CNTN3: variants seen among roughly 807,000 people sequenced by gnomAD.
The protein encoded by CNTN3 is contactin-3.
A neutral mutation model predicts 119.1 loss-of-function variants in CNTN3; 60 were observed. That is an observed-to-expected ratio of 0.50 (90% CI 0.41 to 0.62). The LOEUF (loss-of-function observed/expected upper bound fraction) is 0.62. Ranked by LOEUF, CNTN3 falls within the 20% of genes least tolerant of loss-of-function variation. The pLI is 0.00. For missense variants in CNTN3, 1,101 were observed against 1,242.4 expected, an observed-to-expected ratio of 0.89 and a Z score of 1.71; for synonymous variants, 450 against 438.7, an observed-to-expected ratio of 1.03 and a Z score of -0.32.
chr3:74,437,772 G>A (rs1220408530), intron 4 of CNTN3, among the ~76,000 whole-genome samples: 2 of 151,678 alleles, frequency 1.3e-5, no homozygotes, highest in Non-Finnish European at 1.5e-5. Context: ...CCATTTTTGT[G>A]GCAAGAGCAT....
At chr3:74,362,106 G>A (rs1704086333) in intron 10 of CNTN3, 66 bp from the exon 11 acceptor site, 1 of 1,567,760 alleles carries the variant, frequency 6.4e-7, no homozygotes, top group South Asian at 1.2e-5. Context: ...AATTTCAAAG[G>A]TCCACTTTTA....
At chr3:74,481,347 A>G (rs1702760381) in intron 4 of CNTN3, among the ~76,000 whole-genome samples, 1 of 151,918 alleles carries the variant, frequency 6.6e-6, no homozygotes, top group Non-Finnish European at 1.5e-5. Context: ...AACTAATCAT[A>G]TGTTGGGCCA....
intron 3 of CNTN3, among the ~76,000 whole-genome samples, chr3:74,489,115 A>G (rs1702914290): frequency 6.6e-6 from 1 of 152,166 alleles, no homozygotes; most frequent in Non-Finnish European, 1.5e-5. Flanking sequence ...CTCCTTGTGA[A>G]TACTCTGAAA....
chr3:74,492,782 T>C (rs1372884553), intron 3 of CNTN3, among the ~76,000 whole-genome samples: 1 of 152,154 alleles, frequency 6.6e-6, no homozygotes, highest in Non-Finnish European at 1.5e-5. Context: ...TGTGTATGTG[T>C]GTGCCTGTAA....
intron 13 of CNTN3, among the ~76,000 whole-genome samples, chr3:74,319,464 T>C (rs1215887733): frequency 6.6e-6 from 1 of 152,156 alleles, no homozygotes; most frequent in East Asian, 1.9e-4. Flanking sequence ...GCTAGCAATA[T>C]GTAGAAAGCT....
intron 5 of CNTN3, among the ~76,000 whole-genome samples, chr3:74,397,508 TTCTCTCTC>T (rs71129743): frequency 0.38 from 57,564 of 150,180 alleles, 11,434 homozygotes; most frequent in East Asian, 0.64. Context: ...CCAACTGGTG[TTCTCTCTC>T]TCTCTCTCTC....
intron 5 of CNTN3, among the ~76,000 whole-genome samples, chr3:74,374,218 C>T (rs572003896): frequency 1.3e-5 from 2 of 152,116 alleles, no homozygotes; most frequent in South Asian, 4.2e-4. Context: ...CTTTGTTCAC[C>T]AACATGGGAC....
chr3:74,515,693 G>T (rs1703438839), intron 2 of CNTN3, among the ~76,000 whole-genome samples: 1 of 151,996 alleles, frequency 6.6e-6, no homozygotes, highest in South Asian at 2.1e-4. Context: ...GATTCACTAA[G>T]CCAGTTGGCA....
In CNTN3 at chr3:74,530,398, G is replaced by A. The variant is rs186747569; in HGVS notation, c.-80-9206C>T. Among the ~76,000 whole-genome samples the A allele has an allele frequency of 3.8e-3, 576 of 152,048 alleles. 5 individuals are homozygous for A. Among genetic ancestry groups the A allele is most frequent in the African/African-American group, 0.013 (557 of 41,534 alleles). The stretch of plus-strand genomic sequence containing the variant: ...CAGAGTTGTCCAGAGACTGAGTAGA[G>A]GATTTGAGAAAGGGGTGACTTTGGA... On this transcript the variant is annotated intron_variant, in intron 1 of 22. Coordinates refer to ENST00000263665, the MANE Select transcript of CNTN3 (RefSeq NM_020872.3).
intron 2 of CNTN3, among the ~76,000 whole-genome samples, chr3:74,519,624 T>C (rs1703508979): frequency 6.6e-6 from 1 of 151,706 alleles, no homozygotes; most frequent in South Asian, 2.1e-4. Flanking sequence ...CTGCAGTACA[T>C]TTTGTGTCAC....
At chr3:74,547,406 A>G (rs1439187179) in intron 1 of CNTN3, among the ~76,000 whole-genome samples, 1 of 152,186 alleles carries the variant, frequency 6.6e-6, no homozygotes, top group Non-Finnish European at 1.5e-5. Flanking sequence ...CTTTATTTAT[A>G]TGGGGTAGAT....
chr3:74,291,129 T>C (rs567074660), intron 19 of CNTN3, among the ~76,000 whole-genome samples: 22 of 151,440 alleles, frequency 1.5e-4, no homozygotes, highest in Admixed American at 7.2e-4. Context: ...AGTTCCCACC[T>C]GTGAGTGAGA....
chr3:74,454,754 T>G (rs1236471458), intron 4 of CNTN3, among the ~76,000 whole-genome samples: 14 of 152,258 alleles, frequency 9.2e-5, no homozygotes. Context: ...AGGATTTTAT[T>G]TCTCCTTCAC....
intron 5 of CNTN3, among the ~76,000 whole-genome samples, chr3:74,423,331 A>T (rs1239518847): frequency 6.6e-6 from 1 of 152,218 alleles, no homozygotes; most frequent in Non-Finnish European, 1.5e-5. Context: ...GAAGTTATGG[A>T]TTAAATCAGA....
intron 4 of CNTN3, among the ~76,000 whole-genome samples, chr3:74,461,998 A>G (rs535985263): frequency 1.8e-4 from 28 of 152,092 alleles, no homozygotes; most frequent in African/African-American, 6.5e-4. Context: ...GCCTGGTGGG[A>G]GTTGACTATA....
intron 4 of CNTN3, among the ~76,000 whole-genome samples, chr3:74,442,435 A>G (rs918083864): frequency 6.6e-5 from 10 of 152,110 alleles, no homozygotes; most frequent in South Asian, 2.1e-4. Context: ...ATTCTGTTTC[A>G]TGATGGTCTT....
intron 4 of CNTN3, among the ~76,000 whole-genome samples, chr3:74,455,567 A>G (rs1702252311): frequency 6.6e-6 from 1 of 151,976 alleles, no homozygotes; most frequent in Non-Finnish European, 1.5e-5. Flanking sequence ...TTGGAGGAGG[A>G]GAGGTGCTCT....
chr3:74,366,806 AT>A (rs1463591570), intron 8 of CNTN3, among the ~76,000 whole-genome samples: 4 of 138,446 alleles, frequency 2.9e-5, no homozygotes, highest in African/African-American at 1.1e-4. Context: ...ATATATATAT[AT>A]AACTTGCTCA....
chr3:74,344,426 T>G (rs1289291664), intron 11 of CNTN3, among the ~76,000 whole-genome samples: 2 of 38,366 alleles, frequency 5.2e-5, no homozygotes, highest in Non-Finnish European at 1.0e-4. Flanking sequence ...TTTTTTTTTT[T>G]TTTTTTTTTT....
Sources: allele counts gnomAD v4.1 joint callset (sites outside exome capture counted in the v4.1 genomes callset), GRCh38; gene constraint gnomAD v4.1.1; transcripts MANE v1.5; gene names NCBI Gene and HGNC (gene_info 2026-07-23, HGNC 2026-07-21).